ST6GAL2: variants seen among roughly 807,000 people sequenced by gnomAD.
ST6GAL2 encodes the protein ST6 beta-galactoside alpha-2,6-sialyltransferase 2.
ST6GAL2 carries 24 observed loss-of-function variants against 37.5 expected under a neutral mutation model. That is an observed-to-expected ratio of 0.64 (90% CI 0.46 to 0.90). The LOEUF is 0.90. Among genes scored for constraint, ST6GAL2 ranks in the 40% least tolerant of loss-of-function variants. The pLI, the probability that ST6GAL2 is intolerant of heterozygous loss-of-function variation, is 0.00. For missense variants in ST6GAL2, 715 were observed against 712.7 expected (o/e 1.00, Z -0.04); for synonymous variants, 306 against 295.1 (o/e 1.04, Z -0.38).
At chr2:106,833,212 G>A (rs1676493580) in intron 3 of ST6GAL2, among the ~76,000 whole-genome samples, 1 of 151,190 alleles carries the variant, frequency 6.6e-6, no homozygotes, top group African/African-American at 2.4e-5. Flanking sequence ...CCATTATTAC[G>A]ATGTACTTTT....
At chr2:106,849,995 C>T (rs1004930049) in intron 1 of ST6GAL2, among the ~76,000 whole-genome samples, 5 of 152,286 alleles carry the variant, frequency 3.3e-5, no homozygotes, top group Middle Eastern at 3.4e-3. Flanking sequence ...CCAGTTGCCT[C>T]GGGCACACGT....
In ST6GAL2 at chr2:106,884,938, T is replaced by TATATAC. The variant is rs1426798721; in HGVS notation, c.-58+1154_-58+1155insGTATAT. On this transcript the variant is annotated intron_variant, in intron 1 of 5. Transcript: ENST00000409382. ...ATATATATATATATATATATATACA[T>TATATAC]ACACACACACACATATATACATATG... 9.1e-4 allele frequency among the ~76,000 whole-genome samples: 113 copies of TATATAC among 123,730 alleles called. No homozygotes were observed. The South Asian group carries it at 0.011, about 12-fold the overall frequency. 81.2% of individuals were successfully genotyped at this position (123,730 alleles called of 152,430 possible).
intron 1 of ST6GAL2, among the ~76,000 whole-genome samples, chr2:106,848,993 G>A (rs1327039497): frequency 4.6e-5 from 7 of 152,112 alleles, no homozygotes; most frequent in African/African-American, 1.4e-4. Context: ...ATATATACCT[G>A]GTCTTGTATG....
chr2:106,860,558 T>C (rs1309603432), intron 1 of ST6GAL2, among the ~76,000 whole-genome samples: 1 of 152,148 alleles, frequency 6.6e-6, no homozygotes, highest in Non-Finnish European at 1.5e-5. Context: ...CTGAGAGCTG[T>C]ACACCACGTA....
At chr2:106,840,721 C>T (rs942194303) in intron 2 of ST6GAL2, among the ~76,000 whole-genome samples, 9 of 152,158 alleles carry the variant, frequency 5.9e-5, no homozygotes, top group Admixed American at 4.6e-4. Context: ...GCGTCTTTCA[C>T]GTTCTCTTCC....
At chr2:106,848,047 T>TC (rs1448954859) in intron 1 of ST6GAL2, among the ~76,000 whole-genome samples, 15 of 150,788 alleles carry the variant, frequency 9.9e-5, no homozygotes, top group African/African-American at 3.6e-4. Flanking sequence ...CTCTTTCTTT[T>TC]TTTTTTTTTT....
chr2:106,884,906 C>CATATATATATATAT lies in ST6GAL2; in HGVS notation c.-58+1173_-58+1186dup, dbSNP rs772381082. Reference sequence around the variant, plus strand: ...AAGTTTTAACCCTAAATTTGCAGCGCATATATATATATATATATATATATA... The same window carrying CATATATATATATAT: ...AAGTTTTAACCCTAAATTTGCAGCGCATATATATATATATATATATATATATATATATATATATA... On this transcript the variant is annotated intron_variant, in intron 1 of 5. Coordinates refer to ENST00000409382, the MANE Select transcript of ST6GAL2 (RefSeq NM_001142351.2). Among the ~76,000 whole-genome samples the CATATATATATATAT allele has an allele frequency of 6.4e-3, 487 of 76,306 alleles. 2 individuals are homozygous for CATATATATATATAT. The highest frequency in any genetic ancestry group is 0.011 in the South Asian group (24 of 2,126). The allele number at this position is 76,306 out of a possible 152,430, so 50.1% of individuals were successfully genotyped here.
rs779904174 is a variant in ST6GAL2, at chr2:106,830,055, A to C, written c.1318+11T>G. Reference sequence around the variant, plus strand: ...CCCCCCAATCATTCCAATTTTTAACATAACACCTACCAATGAAACCAGAAG... The same window carrying C: ...CCCCCCAATCATTCCAATTTTTAACCTAACACCTACCAATGAAACCAGAAG... On this transcript the variant is annotated intron_variant, in intron 5 of 5. Coordinates refer to ENST00000409382, the MANE Select transcript of ST6GAL2 (RefSeq NM_001142351.2). 1 of 1,613,302 alleles carries C rather than the reference A, an allele frequency of 6.2e-7. No individual in the cohort carries two copies. Among genetic ancestry groups the C allele is most frequent in the African/African-American group, 1.3e-5 (1 of 74,882 alleles).
chr2:106,835,909 TCTTA>T (rs1190597512), intron 2 of ST6GAL2, among the ~76,000 whole-genome samples: 5 of 152,226 alleles, frequency 3.3e-5, no homozygotes, highest in African/African-American at 1.2e-4. Context: ...GTAATGGATT[TCTTA>T]TTTATTTTTA....
At chr2:106,847,735 T>G (rs1677198399) in intron 1 of ST6GAL2, among the ~76,000 whole-genome samples, 1 of 152,212 alleles carries the variant, frequency 6.6e-6, no homozygotes, top group Admixed American at 6.5e-5. Flanking sequence ...AGGAAAGTAC[T>G]AGATTTATGG....
At chr2:106,807,364 C>A (rs925614183) in intron 5 of ST6GAL2, among the ~76,000 whole-genome samples, 3 of 151,932 alleles carry the variant, frequency 2.0e-5, no homozygotes, top group Non-Finnish European at 4.4e-5. Context: ...GAAACAAATG[C>A]CATAAAAACT....
At chr2:106,813,802 C>T (rs79450349) in intron 5 of ST6GAL2, among the ~76,000 whole-genome samples, 1 of 152,172 alleles carries the variant, frequency 6.6e-6, no homozygotes, top group Non-Finnish European at 1.5e-5. Context: ...ACATAACTCA[C>T]ACATGAAGTA....
chr2:106,834,685 G>C (rs1676561187), intron 2 of ST6GAL2: 1 of 152,882 alleles, frequency 6.5e-6, no homozygotes, highest in Non-Finnish European at 1.5e-5. Flanking sequence ...CTTCGACGCA[G>C]CCTTACATAC....
chr2:106,834,107 G>A lies in ST6GAL2; in HGVS notation c.983C>T (p.Thr328Ile). 6.2e-7 allele frequency: 1 copy of A among 1,613,808 alleles called. No homozygotes were observed. The highest frequency in any genetic ancestry group is 8.5e-7 in the Non-Finnish European group (1 of 1,179,824). ...DAVLRFNSAP[T>I]RGYEKDVGNK... ...CCCAACATCTTTCTCATAACCACGTGTAGGAGCAGAGTTAAATCTCAAAAC... is the reference window on the plus strand; with the variant it reads ...CCCAACATCTTTCTCATAACCACGTATAGGAGCAGAGTTAAATCTCAAAAC... The change falls in exon 3 of 6, where the codon ACA becomes ATA. Residue 328 changes from threonine (T) to isoleucine (I), a missense_variant. Around this residue, in one of 3 missense-constraint regions of ST6GAL2, gnomAD observed 512 missense variants for 488.8 expected, o/e 1.05. Transcript: ENST00000409382.
intron 2 of ST6GAL2, among the ~76,000 whole-genome samples, chr2:106,839,140 A>T (rs10174903): frequency 0.067 from 10,239 of 152,174 alleles, 888 homozygotes; most frequent in African/African-American, 0.21. Context: ...GAAGTCTAAT[A>T]TTCATAGAGT....
chr2:106,847,834 A>G (rs991763119), intron 1 of ST6GAL2, among the ~76,000 whole-genome samples: 21 of 152,104 alleles, frequency 1.4e-4, no homozygotes, highest in African/African-American at 5.1e-4. Context: ...TGAGTGTATC[A>G]CCCTCCCAAC....
chr2:106,881,950 G>C (rs967441669), intron 1 of ST6GAL2, among the ~76,000 whole-genome samples: 1 of 152,178 alleles, frequency 6.6e-6, no homozygotes, highest in African/African-American at 2.4e-5. Flanking sequence ...ACTCAAAGCA[G>C]ATGGATCATT....
At chr2:106,807,987 A>G (rs927509225) in intron 5 of ST6GAL2, among the ~76,000 whole-genome samples, 3 of 152,148 alleles carry the variant, frequency 2.0e-5, no homozygotes, top group Admixed American at 6.5e-5. Flanking sequence ...CCACCATGCC[A>G]CTATTAACTT....
At chr2:106,810,208 T>A (rs909886031) in intron 5 of ST6GAL2, among the ~76,000 whole-genome samples, 1 of 152,228 alleles carries the variant, frequency 6.6e-6, no homozygotes, top group Non-Finnish European at 1.5e-5. Context: ...CTGCTAAATA[T>A]ACAATATAGA....
Sources: gnomAD v4.1 joint callset for allele counts (sites outside exome capture counted in the v4.1 genomes callset) on GRCh38, gnomAD v4.1.1 for gene constraint, gnomAD v4.1.1 regional missense constraint, MANE v1.5 for transcripts, NCBI Gene and HGNC (gene_info 2026-07-23, HGNC 2026-07-21) for gene names.